The following RPH3AL variants were observed in gnomAD, a reference collection of about 807,000 sequenced individuals.
RPH3AL encodes rabphilin 3A like (without C2 domains).
Under a neutral mutation model 43.1 loss-of-function variants are expected in RPH3AL, and 38 were observed. That is an observed-to-expected ratio of 0.88 (90% CI 0.68 to 1.15). RPH3AL has a LOEUF of 1.15. RPH3AL is among the 50% of genes most tolerant of loss of function. The probability of loss-of-function intolerance (pLI) is 0.00; values close to 1 mark genes in which losing one functional copy is unlikely to be tolerated. For synonymous variants in RPH3AL, 189 were observed against 176.3 expected (o/e 1.07, Z -0.57); for missense variants, 462 against 423.2 (o/e 1.09, Z -0.81).
chr17:314,557 G>A (rs1343856469), intron 5 of RPH3AL, among the ~76,000 whole-genome samples: 1 of 142,284 alleles, frequency 7.0e-6, no homozygotes, highest in South Asian at 2.3e-4. Context: ...TGTAGTCTCT[G>A]TGCCCCACCT....
intron 7 of RPH3AL, among the ~76,000 whole-genome samples, chr17:235,311 G>A (rs549730151): frequency 6.7e-6 from 1 of 150,094 alleles, no homozygotes; most frequent in East Asian, 2.0e-4. Context: ...CGGGTTCAAA[G>A]CTGGGGTCGG....
chr17:251,790 G>A (rs1398892963), intron 6 of RPH3AL, among the ~76,000 whole-genome samples: 3 of 152,294 alleles, frequency 2.0e-5, no homozygotes, highest in Non-Finnish European at 4.4e-5. Flanking sequence ...TCTGATGAGC[G>A]AAAGCTCTGC....
intron 7 of RPH3AL, among the ~76,000 whole-genome samples, chr17:224,191 T>C (rs1175424873): frequency 6.7e-6 from 1 of 149,984 alleles, no homozygotes; most frequent in Non-Finnish European, 1.5e-5. Flanking sequence ...CACTCTGTGT[T>C]CTCTGCACAG....
rs542839762 is a variant in RPH3AL, at chr17:314,302, T to G, written c.351+5118A>C. On this transcript the variant is annotated intron_variant, in intron 5 of 9. Coordinates refer to ENST00000331302, the MANE Select transcript of RPH3AL (RefSeq NM_006987.4). ...CTATACCTGGAATATTCACAGCAGC[T>G]GTGGGGTTGAGAGACAGGAGGAGGA... 2.6e-5 allele frequency among the ~76,000 whole-genome samples: 4 copies of G among 151,992 alleles called. No individual in the cohort carries two copies. In the South Asian group the frequency reaches 6.2e-4, roughly 24 times the overall value.
intron 5 of RPH3AL, among the ~76,000 whole-genome samples, chr17:282,600 AT>A (rs758744357): frequency 6.6e-6 from 1 of 152,250 alleles, no homozygotes; most frequent in African/African-American, 2.4e-5. Context: ...AGCAAGGTTG[AT>A]TAAGCTCATA....
At chr17:331,697 T>C (rs997293870) in intron 2 of RPH3AL, 1 of 1,287,738 alleles carries the variant, frequency 7.8e-7, no homozygotes, top group African/African-American at 1.5e-5. Context: ...CCGACCCCCA[T>C]GCCCGGCACC....
At chr17:305,387 T>C (rs1214089078) in intron 5 of RPH3AL, among the ~76,000 whole-genome samples, 2 of 151,982 alleles carry the variant, frequency 1.3e-5, no homozygotes, top group Admixed American at 6.5e-5. Context: ...GGTGCCTGCC[T>C]GGCAGCTGCG....
chr17:314,832 G>A (rs1555518782), intron 5 of RPH3AL, among the ~76,000 whole-genome samples: 1 of 72,110 alleles, frequency 1.4e-5, no homozygotes, highest in African/African-American at 8.1e-5. Flanking sequence ...TAGTCTCTGT[G>A]CTCCACCTCC....
At chr17:242,049 G>A (rs12942097) in intron 7 of RPH3AL, among the ~76,000 whole-genome samples, 71,465 of 151,508 alleles carry the variant, frequency 0.47, 17,180 homozygotes, top group East Asian at 0.68. Flanking sequence ...TCCAAAAGGC[G>A]GAGGTTGCAG....
At chr17:222,649 T>C (rs1396383196) in intron 7 of RPH3AL, among the ~76,000 whole-genome samples, 1 of 152,190 alleles carries the variant, frequency 6.6e-6, no homozygotes, top group Non-Finnish European at 1.5e-5. Context: ...CATTCACCAA[T>C]CTTTTGATGC....
chr17:317,927 C>T (rs2044340264), intron 5 of RPH3AL, among the ~76,000 whole-genome samples: 1 of 142,652 alleles, frequency 7.0e-6, no homozygotes, highest in African/African-American at 2.6e-5. Context: ...CCCCATCCTC[C>T]ATCCTCCACC....
At chr17:270,133 C>G (rs903256420) in intron 6 of RPH3AL, among the ~76,000 whole-genome samples, 1 of 152,122 alleles carries the variant, frequency 6.6e-6, no homozygotes, top group African/African-American at 2.4e-5. Flanking sequence ...TGACAGCAGC[C>G]CAGAGTGAGG....
At chr17:259,064 A>G (rs2042139107) in intron 6 of RPH3AL, among the ~76,000 whole-genome samples, 1 of 152,118 alleles carries the variant, frequency 6.6e-6, no homozygotes, top group African/African-American at 2.4e-5. Context: ...CAGGACCATG[A>G]GCACCCGATG....
intron 5 of RPH3AL, among the ~76,000 whole-genome samples, chr17:291,507 G>C (rs1227800552): frequency 6.6e-6 from 1 of 152,192 alleles, no homozygotes; most frequent in Non-Finnish European, 1.5e-5. Context: ...TGCAGACGGT[G>C]CTTACAGAGG....
rs1182468802 is a variant in RPH3AL, at chr17:274,499, C to T, written c.438+7269G>A. ...ATACAGCTTCCAGAATCTAGCCAGTCCGGCAATGTGAGTTGCATTGGGGAA... is the reference window on the plus strand; with the variant it reads ...ATACAGCTTCCAGAATCTAGCCAGTTCGGCAATGTGAGTTGCATTGGGGAA... On this transcript the variant is annotated intron_variant, in intron 6 of 9. Coordinates refer to ENST00000331302, the MANE Select transcript of RPH3AL (RefSeq NM_006987.4). The surrounding 1 kb of genome is among the most constrained non-coding windows in gnomAD (Gnocchi z 4.7). 6.6e-6 allele frequency among the ~76,000 whole-genome samples: 1 copy of T among 152,244 alleles called. No individual in the cohort carries two copies. The highest frequency in any genetic ancestry group is 1.9e-4 in the East Asian group (1 of 5,198).
intron 6 of RPH3AL, among the ~76,000 whole-genome samples, chr17:261,411 A>G (rs1555546189): frequency 6.6e-6 from 1 of 152,146 alleles, no homozygotes; most frequent in African/African-American, 2.4e-5. Flanking sequence ...CCAGAAAGAG[A>G]GCCTTCACCA....
chr17:262,015 A>C (rs1158830720), intron 6 of RPH3AL: 1 of 152,236 alleles, frequency 6.6e-6, no homozygotes, highest in African/African-American at 2.4e-5. Context: ...ACAGTCAATA[A>C]AAACTCCAGG....
intron 6 of RPH3AL, among the ~76,000 whole-genome samples, chr17:277,195 G>A (rs925398442): frequency 6.6e-6 from 1 of 152,078 alleles, no homozygotes. Flanking sequence ...ATGACAGAAT[G>A]TTTACAAAGA....
intron 2 of RPH3AL, 48 bp from the exon 3 acceptor site, chr17:327,627 T>A: frequency 7.9e-7 from 1 of 1,264,108 alleles, no homozygotes. Flanking sequence ...TTGGCTGGGG[T>A]ACAGATGGCA....
Sources: gnomAD v4.1 joint callset for allele counts (sites outside exome capture counted in the v4.1 genomes callset) on GRCh38, gnomAD v4.1.1 for gene constraint, Gnocchi (gnomAD v3.1) non-coding constraint, MANE v1.5 for transcripts, NCBI Gene and HGNC (gene_info 2026-07-23, HGNC 2026-07-21) for gene names.